MDN1: variants seen among roughly 807,000 people sequenced by gnomAD.
MDN1 encodes the protein midasin.
MDN1 carries 266 observed loss-of-function variants against 669.2 expected under a neutral mutation model. The observed-to-expected ratio is 0.40, with a 90% CI of 0.36 to 0.44. The LOEUF (loss-of-function observed/expected upper bound fraction) is 0.44, where lower values mean the gene tolerates loss of function less well. Among genes scored for constraint, MDN1 ranks in the 20% least tolerant of loss-of-function variants. The pLI is 1.00. For synonymous variants in MDN1, 2,385 were observed against 2,457.1 expected (o/e 0.97, Z 0.87); for missense variants, 5,940 against 6,754.0 (o/e 0.88, Z 4.22).
chr6:89,698,086 T>C (rs1812891296), intron 59 of MDN1, among the ~76,000 whole-genome samples: 1 of 152,188 alleles, frequency 6.6e-6, no homozygotes, highest in Non-Finnish European at 1.5e-5. Context: ...CTCATCTCCA[T>C]GTTAAAGGAA....
At chr6:89,665,706 CAAAAAA>C (rs61352567) in intron 84 of MDN1, among the ~76,000 whole-genome samples, 8 of 126,250 alleles carry the variant, frequency 6.3e-5, no homozygotes, top group African/African-American at 8.7e-5. Flanking sequence ...GACTCCGTTT[CAAAAAA>C]AAAAAAAAAA....
chr6:89,677,653 G>A lies in MDN1; in HGVS notation c.12456C>T (p.Asn4152=). The A allele has an allele frequency of 1.2e-6, 2 of 1,614,114 alleles. No homozygotes were observed. Among genetic ancestry groups the A allele is most frequent in the Non-Finnish European group, 1.7e-6 (2 of 1,180,010 alleles). ...GGTGAAGATGAAGCATCTCTTGAGG[G>A]TTTTTTGAACGGGCCCAAGCAAGAC... ...RKGLAWARSK[N]PQEMLHLHPL... The change falls in exon 76 of 102, where the codon AAC becomes AAT. Residue 4152 remains asparagine, a synonymous_variant. Coordinates refer to ENST00000369393, the MANE Select transcript of MDN1 (RefSeq NM_014611.3).
intron 43 of MDN1, among the ~76,000 whole-genome samples, chr6:89,718,037 A>G (rs1034716172): frequency 6.6e-6 from 1 of 152,236 alleles, no homozygotes; most frequent in African/African-American, 2.4e-5. Flanking sequence ...TCTTCAGTTT[A>G]AAAATGCTCA....
In MDN1 at chr6:89,664,578, A is replaced by G; in HGVS notation, c.14145T>C (p.Asp4715=). 1 of 1,613,678 alleles carries G rather than the reference A, an allele frequency of 6.2e-7. No homozygotes were observed. The highest frequency in any genetic ancestry group is 8.5e-7 in the Non-Finnish European group (1 of 1,179,590). Residue 4715 remains aspartate (D), a synonymous_variant, in exon 85 of 102, where the codon GAT becomes GAC. Transcript: ENST00000369393. ...CCTCGCCCTTAATATCAGATTTTGA[A>G]TCAGGATCCTCTTTGTCTTTTTCTT... ...KGQEKDKEDP[D]SKSDIKGEDN... is the part of the protein sequence containing the mutation.
In MDN1 at chr6:89,707,506, T is replaced by C. The variant is rs762302080; in HGVS notation, c.7899-30A>G. The C allele has an allele frequency of 9.2e-6, 12 of 1,306,554 alleles. No individual in the cohort carries two copies. In the East Asian group the frequency reaches 2.8e-4, roughly 30 times the overall value. 80.9% of individuals were successfully genotyped at this position (1,306,554 alleles called of 1,614,324 possible). A position where few individuals can be genotyped will look rare whatever the true frequency, so the allele number is the denominator to read the frequency against. On this transcript the variant is annotated intron_variant, in intron 51 of 101. Transcript: ENST00000369393. ...AATGAGATTCAAAAAACGTAACAAA[T>C]AGCTATCGGTTAATAACATTTTCAA...
rs1250324674 is a variant in MDN1 at position 89,654,169 on chromosome 6, G to A, written c.15656C>T (p.Pro5219Leu). The change falls in exon 93 of 102, where the codon CCC becomes CTC. Residue 5219 changes from proline (P) to leucine (L), a missense_variant. By Grantham distance (98) the Pro-to-Leu change is moderately conservative (BLOSUM62 -3). Coordinates refer to ENST00000369393, the MANE Select transcript of MDN1 (RefSeq NM_014611.3). ...PEEIKSGTTA[P>L]LGFDEMEVEI... ...TGTTCACTAGCAGGACTCACCCAAG[G>A]GTGCTGTGGTGCCCGACTTGATTTC... The A allele has an allele frequency of 1.2e-6, 2 of 1,614,156 alleles. No individual in the cohort carries two copies. Among genetic ancestry groups the A allele is most frequent in the Non-Finnish European group, 8.5e-7 (1 of 1,180,014 alleles).
intron 1 of MDN1, among the ~76,000 whole-genome samples, chr6:89,804,769 C>T (rs545941832): frequency 2.6e-4 from 39 of 152,270 alleles, no homozygotes; most frequent in African/African-American, 8.7e-4. Context: ...CAGTGGCTCA[C>T]GCCTGTAATC....
At chr6:89,749,097 TA>T in intron 26 of MDN1, 125 bp downstream of exon 26, 2 of 907,006 alleles carry the variant, frequency 2.2e-6, no homozygotes, top group Non-Finnish European at 3.1e-6. Context: ...TTAAAAACAA[TA>T]AAAAATAAAA....
At chr6:89,684,222 A>G (rs554222525) in intron 71 of MDN1, among the ~76,000 whole-genome samples, 2 of 152,252 alleles carry the variant, frequency 1.3e-5, no homozygotes, top group African/African-American at 4.8e-5. Context: ...TTGCACCTGT[A>G]GTCCCAGCTA....
chr6:89,799,163 C>CT (rs1488491841), intron 2 of MDN1, among the ~76,000 whole-genome samples: 1 of 152,146 alleles, frequency 6.6e-6, no homozygotes, highest in East Asian at 1.9e-4. Context: ...AATACGGTAC[C>CT]TTACACATGG....
intron 36 of MDN1, 29 bp downstream of exon 36, chr6:89,728,902 T>G: frequency 6.3e-7 from 1 of 1,579,524 alleles, no homozygotes; most frequent in Non-Finnish European, 8.7e-7. Flanking sequence ...TATAGCTATC[T>G]CCATCAGCTG....
intron 45 of MDN1, among the ~76,000 whole-genome samples, 184 bp downstream of exon 45, chr6:89,715,469 A>AGAGC (rs1814292650): frequency 6.6e-6 from 1 of 152,218 alleles, no homozygotes; most frequent in African/African-American, 2.4e-5. Flanking sequence ...CTGTGTTTCC[A>AGAGC]GAGCCCAGCA....
intron 2 of MDN1, among the ~76,000 whole-genome samples, chr6:89,796,153 CG>C (rs1819579344): frequency 6.6e-6 from 1 of 151,156 alleles, no homozygotes; most frequent in South Asian, 2.1e-4. Context: ...GGTGAAACTC[CG>C]TCTCTACTAA....
In MDN1 at chr6:89,774,703, C is replaced by T; in HGVS notation, c.1852G>A (p.Glu618Lys). The T allele has an allele frequency of 6.2e-7, 1 of 1,613,482 alleles. No individual in the cohort carries two copies. Among genetic ancestry groups the T allele is most frequent in the Non-Finnish European group, 8.5e-7 (1 of 1,179,584 alleles). The change falls in exon 13 of 102, where the codon GAA (glutamate) becomes AAA (lysine). Residue 618 changes from glutamate to lysine, a missense_variant. Coordinates refer to ENST00000369393, the MANE Select transcript of MDN1 (RefSeq NM_014611.3). The stretch of plus-strand genomic sequence containing the variant: ...AAATCTAGCTCATTGATCACAATTT[C>T]TGGTTTATAAAGTTGACAAAAGAAT... ...AEFFCQLYKPEIVINELDLQV... is the reference protein window; with the variant it reads ...AEFFCQLYKPKIVINELDLQV...
chr6:89,720,078 TACATA>T (rs1005032739), intron 40 of MDN1, among the ~76,000 whole-genome samples: 1 of 152,144 alleles, frequency 6.6e-6, no homozygotes, highest in African/African-American at 2.4e-5. Flanking sequence ...CAGCAATACT[TACATA>T]ATTGAATACT....
In MDN1 at chr6:89,687,252, G is replaced by A. The variant is rs1812076927; in HGVS notation, c.11450+92C>T. On this transcript the variant is annotated intron_variant, in intron 68 of 101. Coordinates refer to ENST00000369393, the MANE Select transcript of MDN1 (RefSeq NM_014611.3). ...TAACTGAAAAGCACATTCTGTAGCT[G>A]TAATACTATATAAATCCTAAAGAAA... 4 of 1,274,662 alleles carry A rather than the reference G, an allele frequency of 3.1e-6. No individual in the cohort carries two copies. In the South Asian group the frequency reaches 5.5e-5, roughly 17 times the overall value. The allele number at this position is 1,274,662 out of a possible 1,614,324, so 79.0% of individuals were successfully genotyped here.
rs1167222715 is a variant in MDN1, at chr6:89,734,688, A to AG, written c.4724-1914_4724-1913insC. Among the ~76,000 whole-genome samples the AG allele has an allele frequency of 3.2e-3, 318 of 98,172 alleles. 1 individual carries two copies. Among genetic ancestry groups the AG allele is most frequent in the South Asian group, 6.5e-3 (16 of 2,446 alleles). The allele number at this position is 98,172 out of a possible 152,430, so 64.4% of individuals were successfully genotyped here. On this transcript the variant is annotated intron_variant, in intron 33 of 101. Transcript: ENST00000369393. ...GGAAGAAGAAAAAAAAAAAAAAAAA[A>AG]ACAAGAGAGAGAGAGAGAGAGAGAG...
chr6:89,746,186 G>C (rs945328196), intron 27 of MDN1, among the ~76,000 whole-genome samples: 1 of 152,152 alleles, frequency 6.6e-6, no homozygotes, highest in African/African-American at 2.4e-5. Flanking sequence ...TCAGGGTAGT[G>C]ATTACCTCCA....
At chr6:89,700,370 T>TGA in intron 56 of MDN1, 76 bp from the exon 57 acceptor site, 1 of 1,160,428 alleles carries the variant, frequency 8.6e-7, no homozygotes, top group Non-Finnish European at 1.3e-6. Context: ...CAACCTGCTA[T>TGA]GTGACTGCAA....
Sources: gnomAD v4.1 joint callset for allele counts (sites outside exome capture counted in the v4.1 genomes callset) on GRCh38, gnomAD v4.1.1 for gene constraint, MANE v1.5 for transcripts, NCBI Gene and HGNC (gene_info 2026-07-23, HGNC 2026-07-21) for gene names.